SLIT2: variants seen among roughly 807,000 people sequenced by gnomAD.
SLIT2 encodes the protein slit homolog 2 protein.
A neutral mutation model predicts 185.7 loss-of-function variants in SLIT2; 41 were observed. The observed-to-expected ratio is 0.22, with a 90% CI of 0.17 to 0.29. The LOEUF (loss-of-function observed/expected upper bound fraction) is 0.29. Among genes scored for constraint, SLIT2 ranks in the 10% least tolerant of loss-of-function variants. SLIT2 has a pLI of 1.00. For missense variants in SLIT2, 1,571 were observed against 1,909.0 expected, an observed-to-expected ratio of 0.82 and a Z score of 3.30; for synonymous variants, 693 against 680.2, an observed-to-expected ratio of 1.02 and a Z score of -0.29.
chr4:20,284,368 C>T (rs1299601120), intron 4 of SLIT2, among the ~76,000 whole-genome samples: 2 of 152,136 alleles, frequency 1.3e-5, no homozygotes, highest in Non-Finnish European at 2.9e-5. Flanking sequence ...TAACCAAATC[C>T]CTTCCATAGG....
At chr4:20,383,737 G>T (rs1724718580) in intron 4 of SLIT2, among the ~76,000 whole-genome samples, 1 of 151,976 alleles carries the variant, frequency 6.6e-6, no homozygotes, top group Admixed American at 6.6e-5. Context: ...GCCTCACTCT[G>T]TGTTGCCCAG....
intron 4 of SLIT2, among the ~76,000 whole-genome samples, chr4:20,345,294 A>T (rs2109245543): frequency 6.6e-6 from 1 of 152,056 alleles, no homozygotes; most frequent in South Asian, 2.1e-4. Context: ...GTGCTGATAT[A>T]TTTTTATCCA....
chr4:20,426,648 G>T (rs1047093788), intron 4 of SLIT2, among the ~76,000 whole-genome samples: 2 of 130,334 alleles, frequency 1.5e-5, no homozygotes, highest in African/African-American at 2.5e-5. Context: ...GACAGAAAAA[G>T]AAGGAGAACC....
intron 4 of SLIT2, among the ~76,000 whole-genome samples, chr4:20,378,171 A>G (rs1453383393): frequency 1.3e-5 from 2 of 152,168 alleles, no homozygotes; most frequent in African/African-American, 4.8e-5. Flanking sequence ...TTTTCCCAGA[A>G]TCTCCTAAAT....
chr4:20,515,502 T>A (rs1423110830), intron 11 of SLIT2, among the ~76,000 whole-genome samples: 1 of 152,220 alleles, frequency 6.6e-6, no homozygotes, highest in African/African-American at 2.4e-5. Context: ...AACACTGTAC[T>A]TAAATTTCTG....
intron 21 of SLIT2, among the ~76,000 whole-genome samples, chr4:20,544,116 A>G (rs1723052533): frequency 6.6e-6 from 1 of 152,138 alleles, no homozygotes. Context: ...TGGCACATGT[A>G]TACATACGTA....
rs1034595304 is a variant in SLIT2 at position 20,528,775 on chromosome 4, C to G, written c.1463-174C>G. Among the ~76,000 whole-genome samples, 8 of 152,076 alleles carry G rather than the reference C, an allele frequency of 5.3e-5. No homozygotes were observed. ...ATGTGAATCTGGTCACTCTTTTTTC[C>G]AGAAAATTCCAAGCCTTTCTTTTAA... On this transcript the variant is annotated intron_variant, in intron 15 of 36. Transcript: ENST00000504154. This position sits in a 1 kb window ranked among gnomAD's most constrained non-coding sequence, Gnocchi z 4.2.
chr4:20,321,405 C>T (rs1419055844), intron 4 of SLIT2, among the ~76,000 whole-genome samples: 5 of 152,134 alleles, frequency 3.3e-5, no homozygotes, highest in African/African-American at 9.7e-5. Context: ...TCTTCAGGGG[C>T]TACACCATTT....
At chr4:20,454,002 C>T (rs971168527) in intron 4 of SLIT2, among the ~76,000 whole-genome samples, 3 of 152,182 alleles carry the variant, frequency 2.0e-5, no homozygotes, top group Non-Finnish European at 4.4e-5. Context: ...GGAAGGCATA[C>T]GATCTTAAGT....
chr4:20,355,600 A>G (rs1206245816), intron 4 of SLIT2, among the ~76,000 whole-genome samples: 1 of 152,166 alleles, frequency 6.6e-6, no homozygotes, highest in Non-Finnish European at 1.5e-5. Context: ...GCAGGTGGTC[A>G]TTGTATGAAG....
chr4:20,380,594 C>G (rs562232186), intron 4 of SLIT2, among the ~76,000 whole-genome samples: 10 of 151,960 alleles, frequency 6.6e-5, no homozygotes, highest in African/African-American at 2.2e-4. Context: ...AGAAAAGATG[C>G]AAGTCAGTCT....
At chr4:20,466,272 C>A (rs1227420145) in intron 4 of SLIT2, among the ~76,000 whole-genome samples, 1 of 151,962 alleles carries the variant, frequency 6.6e-6, no homozygotes, top group Non-Finnish European at 1.5e-5. Flanking sequence ...GGAAGTCAGT[C>A]TAAATCAATG....
chr4:20,432,049 C>T (rs1160538679), intron 4 of SLIT2, among the ~76,000 whole-genome samples: 1 of 151,688 alleles, frequency 6.6e-6, no homozygotes, highest in Non-Finnish European at 1.5e-5. Flanking sequence ...GACAGACAGA[C>T]ACACAAAATG....
intron 4 of SLIT2, among the ~76,000 whole-genome samples, chr4:20,390,534 C>T (rs1320474259): frequency 6.6e-6 from 1 of 152,000 alleles, no homozygotes; most frequent in Non-Finnish European, 1.5e-5. Context: ...TGAGTTGAAA[C>T]GTCATTTGAA....
At chr4:20,589,607 C>T in intron 29 of SLIT2, 37 bp from the exon 30 acceptor site, 1 of 1,532,026 alleles carries the variant, frequency 6.5e-7, no homozygotes, top group Non-Finnish European at 9.0e-7. Flanking sequence ...GCCTGTTGAC[C>T]TTTTTCTATG....
intron 4 of SLIT2, among the ~76,000 whole-genome samples, chr4:20,362,927 T>A (rs552144146): frequency 2.1e-5 from 3 of 139,902 alleles, no homozygotes; most frequent in East Asian, 4.0e-4. Flanking sequence ...AGGAATGAAA[T>A]TTTTTTTTTT....
intron 26 of SLIT2, among the ~76,000 whole-genome samples, chr4:20,559,148 A>G (rs1356602466): frequency 1.3e-5 from 2 of 151,996 alleles, no homozygotes; most frequent in South Asian, 2.1e-4. Flanking sequence ...GCCACCAAAA[A>G]CAGTTGAGCT....
intron 4 of SLIT2, among the ~76,000 whole-genome samples, chr4:20,418,103 C>T (rs947930279): frequency 6.2e-4 from 95 of 152,080 alleles, no homozygotes; most frequent in African/African-American, 2.2e-3. Context: ...GGGGTCTGAC[C>T]ATCAATATCA....
At chr4:20,393,272 A>C (rs1425938554) in intron 4 of SLIT2, 1 of 152,072 alleles carries the variant, frequency 6.6e-6, no homozygotes, top group East Asian at 1.9e-4. Flanking sequence ...ATTTCTTCTG[A>C]TCTCTTCCAT....
Sources: allele counts gnomAD v4.1 joint callset (sites outside exome capture counted in the v4.1 genomes callset), GRCh38; gene constraint gnomAD v4.1.1; non-coding constraint Gnocchi (gnomAD v3.1); transcripts MANE v1.5; gene names NCBI Gene and HGNC (gene_info 2026-07-23, HGNC 2026-07-21).